Variants in FBP1 observed in about 807,000 individuals in gnomAD.
FBP1 encodes fructose-1,6-bisphosphatase 1.
In FBP1, 22 loss-of-function variants were observed where a neutral mutation model predicts 29.9. That is an observed-to-expected ratio of 0.74 (90% CI 0.53 to 1.05). FBP1 has a LOEUF of 1.05. Ranked by LOEUF, FBP1 falls within the 50% of genes least tolerant of loss-of-function variation. The pLI, the probability that FBP1 is intolerant of heterozygous loss-of-function variation, is 0.00. For missense variants in FBP1, 345 were observed against 448.2 expected (o/e 0.77, Z 2.08); for synonymous variants, 175 against 178.6 (o/e 0.98, Z 0.16).
rs1827710793 is a variant in FBP1, at chr9:94,606,934, A to G, written c.586T>C (p.Leu196=). Residue 196 remains leucine, a synonymous_variant, in exon 5 of 7, where the codon TTG becomes CTG. Transcript: ENST00000375326. Reference sequence around the variant, plus strand: ...TTTATCTTCACATCCTTGTCCACCAAAATGAACTCCCCGATGGCCTTTTTA... The same window carrying G: ...TTTATCTTCACATCCTTGTCCACCAGAATGAACTCCCCGATGGCCTTTTTA... ...MLDPAIGEFI[L]VDKDVKIKKK... is the part of the protein sequence containing the mutation. 2 of 1,614,154 alleles carry G rather than the reference A, an allele frequency of 1.2e-6. No homozygotes were observed. Among genetic ancestry groups the G allele is most frequent in the East Asian group, 4.5e-5 (2 of 44,878 alleles).
intron 1 of FBP1, among the ~76,000 whole-genome samples, chr9:94,633,786 G>C (rs983925640): frequency 5.9e-5 from 9 of 151,800 alleles, no homozygotes; most frequent in Non-Finnish European, 1.2e-4. Flanking sequence ...CTCACTGCAA[G>C]CTCCGCCTCC....
chr9:94,620,270 T>G, intron 2 of FBP1, 59 bp downstream of exon 2: 1 of 1,575,666 alleles, frequency 6.3e-7, no homozygotes, highest in Non-Finnish European at 8.7e-7. Context: ...GAGTCAATTA[T>G]GAAGCTGGGA....
upstream of FBP1, chr9:94,640,031 C>T (rs1242350479): frequency 6.5e-6 from 1 of 153,088 alleles, no homozygotes; most frequent in Non-Finnish European, 1.5e-5. Context: ...GACACAGAGT[C>T]CCCGTTTCTC....
chr9:94,604,683 C>G (rs1471708326), intron 6 of FBP1, among the ~76,000 whole-genome samples: 1 of 152,148 alleles, frequency 6.6e-6, no homozygotes, highest in Non-Finnish European at 1.5e-5. Flanking sequence ...ACTCAGAATG[C>G]TGAGGCAGGA....
chr9:94,614,482 G>A (rs1294633838), intron 3 of FBP1, among the ~76,000 whole-genome samples: 3 of 152,168 alleles, frequency 2.0e-5, no homozygotes, highest in Non-Finnish European at 1.5e-5. Flanking sequence ...AGAGGTCGCA[G>A]GGAGCTGAGA....
intron 1 of FBP1, among the ~76,000 whole-genome samples, chr9:94,626,030 C>T (rs1006183456): frequency 6.6e-6 from 1 of 152,220 alleles, no homozygotes; most frequent in Admixed American, 6.5e-5. Context: ...TTTCCATGAC[C>T]CCGCTGGGTG....
intron 3 of FBP1, among the ~76,000 whole-genome samples, chr9:94,614,286 AT>A (rs1339146242): frequency 1.3e-5 from 2 of 151,264 alleles, no homozygotes; most frequent in African/African-American, 4.9e-5. Flanking sequence ...CACGCCTGTA[AT>A]TCCAGCACTT....
intron 1 of FBP1, among the ~76,000 whole-genome samples, chr9:94,637,141 A>G (rs767945969): frequency 2.0e-5 from 3 of 152,184 alleles, no homozygotes; most frequent in Non-Finnish European, 4.4e-5. Context: ...GAGGGGCCAG[A>G]GGCAACAGTA....
At chr9:94,627,011 A>C (rs1020999826) in intron 1 of FBP1, among the ~76,000 whole-genome samples, 1 of 152,104 alleles carries the variant, frequency 6.6e-6, no homozygotes, top group Non-Finnish European at 1.5e-5. Flanking sequence ...CAACATGGAG[A>C]AACCCTGTCT....
intron 1 of FBP1, among the ~76,000 whole-genome samples, chr9:94,620,907 TATA>T (rs1452762389): frequency 6.6e-6 from 1 of 152,140 alleles, no homozygotes; most frequent in African/African-American, 2.4e-5. Context: ...GAACTTAAAG[TATA>T]ATAATAATTT....
chr9:94,628,060 GATCT>G lies in FBP1; in HGVS notation c.171-7573_171-7570del. On this transcript the variant is annotated intron_variant, in intron 1 of 6. Transcript: ENST00000375326. Reference sequence around the variant, plus strand: ...GCAATTTTGATTGAGCCAGTGACTTGATCTGCCAAGGAAATGTTTTCTGAATAAA... The same window carrying G: ...GCAATTTTGATTGAGCCAGTGACTTGGCCAAGGAAATGTTTTCTGAATAAA... 3.3e-5 allele frequency among the ~76,000 whole-genome samples: 5 copies of G among 152,334 alleles called. 1 individual carries two copies. Among genetic ancestry groups the G allele is most frequent in the Admixed American group, 3.3e-4 (5 of 15,298 alleles).
chr9:94,613,663 G>A (rs1269354470), intron 3 of FBP1, among the ~76,000 whole-genome samples: 1 of 152,164 alleles, frequency 6.6e-6, no homozygotes, highest in Non-Finnish European at 1.5e-5. Flanking sequence ...CCACTCAGGA[G>A]GCTGAGGTAG....
chr9:94,632,108 C>G (rs1163248137), intron 1 of FBP1, among the ~76,000 whole-genome samples: 1 of 152,104 alleles, frequency 6.6e-6, no homozygotes, highest in African/African-American at 2.4e-5. Flanking sequence ...TAAGCCTAAA[C>G]GTGTATTAGC....
chr9:94,627,845 C>A (rs1292037705), intron 1 of FBP1, among the ~76,000 whole-genome samples: 2 of 152,184 alleles, frequency 1.3e-5, no homozygotes, highest in East Asian at 3.9e-4. Flanking sequence ...CTCCCCAGGC[C>A]AACTGTGCCT....
chr9:94,634,192 G>A (rs1383981550), intron 1 of FBP1, among the ~76,000 whole-genome samples: 1 of 151,326 alleles, frequency 6.6e-6, no homozygotes, highest in African/African-American at 2.4e-5. Context: ...GCTATGGGAG[G>A]CTGAGGCAGG....
chr9:94,607,982 G>A (rs1218553254), intron 4 of FBP1, among the ~76,000 whole-genome samples: 6 of 151,926 alleles, frequency 3.9e-5, no homozygotes, highest in East Asian at 1.9e-4. Context: ...CAAGTATACC[G>A]GAATATTCTT....
chr9:94,611,119 T>C (rs1422506691), intron 3 of FBP1, among the ~76,000 whole-genome samples: 2 of 152,158 alleles, frequency 1.3e-5, no homozygotes, highest in African/African-American at 4.8e-5. Context: ...TGCCTCGGCC[T>C]CCCAAAGTGC....
intron 1 of FBP1, among the ~76,000 whole-genome samples, chr9:94,623,802 G>A (rs955903897): frequency 6.6e-6 from 1 of 152,316 alleles, no homozygotes; most frequent in African/African-American, 2.4e-5. Context: ...TGCCGAACAC[G>A]GTAGATCAGA....
chr9:94,606,372 C>T (rs549165668), intron 5 of FBP1, among the ~76,000 whole-genome samples: 7 of 152,258 alleles, frequency 4.6e-5, no homozygotes, highest in South Asian at 2.1e-4. Flanking sequence ...CACCACTTGA[C>T]GGGCATTTGA....
Sources: gnomAD v4.1 joint callset for allele counts (sites outside exome capture counted in the v4.1 genomes callset) on GRCh38, gnomAD v4.1.1 for gene constraint, MANE v1.5 for transcripts, NCBI Gene and HGNC (gene_info 2026-07-23, HGNC 2026-07-21) for gene names.